CLVS2: variants seen among roughly 807,000 people sequenced by gnomAD.
CLVS2 encodes clavesin 2.
CLVS2 carries 19 observed loss-of-function variants against 29.0 expected under a neutral mutation model. The observed-to-expected ratio is 0.66, with a 90% CI of 0.46 to 0.96. The LOEUF (loss-of-function observed/expected upper bound fraction) is 0.96, where lower values mean the gene tolerates loss of function less well. Ranked by LOEUF, CLVS2 falls within the 40% of genes least tolerant of loss-of-function variation. CLVS2 has a pLI of 0.00. For missense variants in CLVS2, 294 were observed against 404.1 expected (o/e 0.73, Z 2.34); for synonymous variants, 161 against 151.3 (o/e 1.06, Z -0.47).
chr6:122,997,516 A>G lies in CLVS2; in HGVS notation c.-262A>G. 1.9e-6 allele frequency: 1 copy of G among 523,852 alleles called. No homozygotes were observed. Among genetic ancestry groups the G allele is most frequent in the Non-Finnish European group, 3.5e-6 (1 of 285,086 alleles). 32.5% of individuals were successfully genotyped at this position (523,852 alleles called of 1,614,324 possible). A position where few individuals can be genotyped will look rare whatever the true frequency, so the allele number is the denominator to read the frequency against. On this transcript the variant is annotated 5_prime_UTR_variant, in exon 2 of 6. Transcript: ENST00000275162. ...AGGGGTTCACATCTCTTTAAAGGAAAGGAAAGAGGGAGCCAAAGTAGGGTG... is the reference window on the plus strand; with the variant it reads ...AGGGGTTCACATCTCTTTAAAGGAAGGGAAAGAGGGAGCCAAAGTAGGGTG...
At chr6:123,026,165 T>G (rs971766767) in intron 3 of CLVS2, among the ~76,000 whole-genome samples, 1 of 152,090 alleles carries the variant, frequency 6.6e-6, no homozygotes, top group Admixed American at 6.6e-5. Context: ...GTGGAATATG[T>G]GCAATATAAA....
rs1772960736 is a variant in CLVS2, at chr6:123,072,190, C to G, written c.*8429C>G. On this transcript the variant is annotated 3_prime_UTR_variant, in exon 6 of 6. Coordinates refer to ENST00000275162, the MANE Select transcript of CLVS2 (RefSeq NM_001010852.4). The stretch of plus-strand genomic sequence containing the variant: ...CCCAACACTGTAATAATTTAAGCCT[C>G]CTGTTTTATAATCTTCTATCAGAAC... 6.6e-6 allele frequency: 1 copy of G among 152,022 alleles called. No homozygotes were observed. The highest frequency in any genetic ancestry group is 6.6e-5 in the Admixed American group (1 of 15,226). The allele number at this position is 152,022 out of a possible 1,614,324, so 9.4% of individuals were successfully genotyped here.
chr6:123,034,441 A>G (rs984625355), intron 3 of CLVS2, among the ~76,000 whole-genome samples: 1 of 152,198 alleles, frequency 6.6e-6, no homozygotes, highest in Non-Finnish European at 1.5e-5. Flanking sequence ...CAAGGGCATT[A>G]CAGTAAGTGA....
At chr6:123,044,982 G>T (rs1036877573) in intron 3 of CLVS2, among the ~76,000 whole-genome samples, 3 of 152,130 alleles carry the variant, frequency 2.0e-5, no homozygotes, top group African/African-American at 7.2e-5. Flanking sequence ...CCTGTATCTA[G>T]AGGGTGTGCT....
chr6:123,007,248 T>G (rs1028773427), intron 2 of CLVS2, among the ~76,000 whole-genome samples: 1 of 152,150 alleles, frequency 6.6e-6, no homozygotes, highest in African/African-American at 2.4e-5. Flanking sequence ...GTGCTACCCA[T>G]TGGGCTAAGT....
At chr6:123,020,445 A>G (rs960152337) in intron 3 of CLVS2, among the ~76,000 whole-genome samples, 2 of 152,052 alleles carry the variant, frequency 1.3e-5, no homozygotes, top group African/African-American at 4.8e-5. Flanking sequence ...AAATCATCCA[A>G]ATTTGGGATT....
In CLVS2 at chr6:122,999,024, C is replaced by T. The variant is rs546182686; in HGVS notation, c.389+858C>T. On this transcript the variant is annotated intron_variant, in intron 2 of 5. Coordinates refer to ENST00000275162, the MANE Select transcript of CLVS2 (RefSeq NM_001010852.4). ...CCTCCTTCAGAACTGTTTTCTCAGACTGAAAGATATAAGAAATTATAAAAG... is the reference window on the plus strand; with the variant it reads ...CCTCCTTCAGAACTGTTTTCTCAGATTGAAAGATATAAGAAATTATAAAAG... Among the ~76,000 whole-genome samples the T allele has an allele frequency of 3.3e-5, 5 of 152,300 alleles. No homozygotes were observed. In the East Asian group the frequency reaches 9.6e-4, roughly 29 times the overall value.
chr6:122,997,765 G>T lies in CLVS2; in HGVS notation c.-13G>T, dbSNP rs1774532472. 2 of 1,611,584 alleles carry T rather than the reference G, an allele frequency of 1.2e-6. No individual in the cohort carries two copies. The highest frequency in any genetic ancestry group is 1.7e-6 in the Non-Finnish European group (2 of 1,179,130). On this transcript the variant is annotated 5_prime_UTR_variant, in exon 2 of 6. Transcript: ENST00000275162. ...AAGGTCTTCTGAGGGAAAGCTCAGA[G>T]ATAGGCAGAACAATGACTCATTTGC...
At position 123,063,855 on chromosome 6, in the gene CLVS2, C is replaced by T. The variant is rs966874672; in HGVS notation, c.*94C>T. On this transcript the variant is annotated 3_prime_UTR_variant, in exon 6 of 6. Transcript: ENST00000275162. The stretch of plus-strand genomic sequence containing the variant: ...TGTAGAGGAATTACCAGCTGGAAAC[C>T]GACTTATTCATGTTAATGTAGCATA... The T allele has an allele frequency of 2.5e-5, 20 of 808,180 alleles. No individual in the cohort carries two copies. Among genetic ancestry groups the T allele is most frequent in the Middle Eastern group, 2.3e-4 (1 of 4,400 alleles). The allele number at this position is 808,180 out of a possible 1,614,324, so 50.1% of individuals were successfully genotyped here.
intron 3 of CLVS2, among the ~76,000 whole-genome samples, chr6:123,032,018 T>C (rs1318384182): frequency 2.0e-5 from 3 of 152,154 alleles, no homozygotes; most frequent in Admixed American, 6.5e-5. Flanking sequence ...TCTATTCTTT[T>C]AAAAATTATT....
At chr6:123,026,191 G>A (rs1167596878) in intron 3 of CLVS2, among the ~76,000 whole-genome samples, 2 of 152,030 alleles carry the variant, frequency 1.3e-5, no homozygotes, top group South Asian at 2.1e-4. Context: ...GTAAAATATT[G>A]TCACTTTGAT....
chr6:123,065,396 C>G lies in CLVS2; in HGVS notation c.*1635C>G, dbSNP rs1421509331. On this transcript the variant is annotated 3_prime_UTR_variant, in exon 6 of 6. Coordinates refer to ENST00000275162, the MANE Select transcript of CLVS2 (RefSeq NM_001010852.4). The stretch of plus-strand genomic sequence containing the variant: ...AAAGCTCCCAAAATTTGTTATAATT[C>G]TGCAGCCAAAAATTGTAAAAGCAAG... 6.6e-6 allele frequency: 1 copy of G among 151,790 alleles called. No homozygotes were observed. The highest frequency in any genetic ancestry group is 2.4e-5 in the African/African-American group (1 of 41,420). The allele number at this position is 151,790 out of a possible 1,614,324, so 9.4% of individuals were successfully genotyped here.
chr6:123,056,543 T>C lies in CLVS2; in HGVS notation c.896+517T>C, dbSNP rs571805089. ...TCTGTCAATTAAGGAAAAGATAAAG[T>C]AATTTGAGGTAACCTCAACTTAGTG... On this transcript the variant is annotated intron_variant, in intron 5 of 5. Transcript: ENST00000275162. Among the ~76,000 whole-genome samples the C allele has an allele frequency of 2.6e-5, 4 of 152,342 alleles. No individual in the cohort carries two copies. The South Asian group carries it at 8.3e-4, about 32-fold the overall frequency.
In CLVS2 at chr6:123,041,911, G is replaced by A. The variant is rs144879480; in HGVS notation, c.565-6711G>A. Among the ~76,000 whole-genome samples the A allele has an allele frequency of 2.3e-3, 357 of 152,176 alleles. 2 individuals carry two copies. The highest frequency in any genetic ancestry group is 8.2e-3 in the African/African-American group (339 of 41,552). On this transcript the variant is annotated intron_variant, in intron 3 of 5. Transcript: ENST00000275162. ...GTGCATATTTGGAATTAAGATTTTA[G>A]CATCTGAGAGGGCACAATTATTTCA...
At chr6:123,011,630 C>T (rs775051996) in intron 3 of CLVS2, among the ~76,000 whole-genome samples, 2 of 151,870 alleles carry the variant, frequency 1.3e-5, no homozygotes. Context: ...TCTAAATTTT[C>T]TTTAGACTTC....
At chr6:123,050,404 A>G (rs773582089) in intron 4 of CLVS2, among the ~76,000 whole-genome samples, 12 of 152,096 alleles carry the variant, frequency 7.9e-5, no homozygotes, top group Non-Finnish European at 7.4e-5. Context: ...ACCACTTTGG[A>G]GTATATATTG....
intron 3 of CLVS2, among the ~76,000 whole-genome samples, chr6:123,025,130 T>C (rs921331028): frequency 2.0e-5 from 3 of 152,108 alleles, no homozygotes; most frequent in African/African-American, 7.2e-5. Context: ...GTCATTCACC[T>C]GGGTAACTAA....
chr6:123,021,037 T>C (rs982164433), intron 3 of CLVS2, among the ~76,000 whole-genome samples: 4 of 138,486 alleles, frequency 2.9e-5, no homozygotes, highest in Admixed American at 7.0e-5. Context: ...ATTGTTCACT[T>C]ATCTGAAAGA....
At chr6:123,039,536 G>A (rs1219510911) in intron 3 of CLVS2, among the ~76,000 whole-genome samples, 3 of 152,088 alleles carry the variant, frequency 2.0e-5, no homozygotes, top group South Asian at 2.1e-4. Flanking sequence ...CCTAGACTGC[G>A]AGGTGGTGTG....
Sources: gnomAD v4.1 joint callset for allele counts (sites outside exome capture counted in the v4.1 genomes callset) on GRCh38, gnomAD v4.1.1 for gene constraint, MANE v1.5 for transcripts, NCBI Gene and HGNC (gene_info 2026-07-23, HGNC 2026-07-21) for gene names.